Variants in DCDC2C observed in about 807,000 individuals in gnomAD.
DCDC2C encodes the protein doublecortin domain containing 2C.
Under a neutral mutation model 45.0 loss-of-function variants are expected in DCDC2C, and 44 were observed. That is an observed-to-expected ratio of 0.98 (90% CI 0.77 to 1.26). DCDC2C has a LOEUF of 1.26. Among genes scored for constraint, DCDC2C ranks in the 50% most tolerant of loss-of-function variants. The probability of loss-of-function intolerance (pLI) is 0.00; values close to 1 mark genes in which losing one functional copy is unlikely to be tolerated. For synonymous variants in DCDC2C, 187 were observed against 178.8 expected (o/e 1.05, Z -0.37); for missense variants, 447 against 468.9 (o/e 0.95, Z 0.43).
intron 1 of DCDC2C, among the ~76,000 whole-genome samples, chr2:3,707,278 T>G (rs918295684): frequency 2.6e-5 from 4 of 152,228 alleles, no homozygotes; most frequent in Non-Finnish European, 5.9e-5. Flanking sequence ...TTTTTATGCT[T>G]TTTTTCTGTG....
chr2:3,755,943 C>T (rs920997030), intron 6 of DCDC2C, among the ~76,000 whole-genome samples: 5 of 151,478 alleles, frequency 3.3e-5, no homozygotes, highest in African/African-American at 7.3e-5. Context: ...GATGGATACA[C>T]GTGTATAGAG....
At chr2:3,789,416 A>G (rs1008171144) in intron 10 of DCDC2C, among the ~76,000 whole-genome samples, 3 of 152,130 alleles carry the variant, frequency 2.0e-5, no homozygotes, top group Non-Finnish European at 4.4e-5. Flanking sequence ...ATTTATATTT[A>G]TGACTTGATC....
intron 10 of DCDC2C, among the ~76,000 whole-genome samples, chr2:3,817,572 C>T (rs1361183395): frequency 6.6e-6 from 1 of 152,130 alleles, no homozygotes; most frequent in East Asian, 1.9e-4. Flanking sequence ...TTTTGAGGGC[C>T]TCTGAAAGTA....
At chr2:3,831,642 G>A (rs546745050) in intron 10 of DCDC2C, among the ~76,000 whole-genome samples, 2 of 152,142 alleles carry the variant, frequency 1.3e-5, no homozygotes, top group Non-Finnish European at 2.9e-5. Flanking sequence ...ATGGAAAGAG[G>A]AGAAGCAAAA....
At position 3,767,560 on chromosome 2, in the gene DCDC2C, G is replaced by T. The variant is rs2148151228; in HGVS notation, c.727-194G>T. 2.0e-5 allele frequency among the ~76,000 whole-genome samples: 3 copies of T among 152,322 alleles called. 1 individual carries two copies. In the South Asian group the frequency reaches 6.2e-4, roughly 32 times the overall value. Reference sequence around the variant, plus strand: ...AGGGAGGGAGAGAATTATTTTTGCTGCTTTCCTGAGGGGAATGCAAGTAAT... The same window carrying T: ...AGGGAGGGAGAGAATTATTTTTGCTTCTTTCCTGAGGGGAATGCAAGTAAT... On this transcript the variant is annotated intron_variant, in intron 6 of 10. Transcript: ENST00000399143.
chr2:3,741,405 A>G (rs1417005760), intron 3 of DCDC2C, among the ~76,000 whole-genome samples: 1 of 152,204 alleles, frequency 6.6e-6, no homozygotes. Context: ...GTTATGTTCT[A>G]TTAATCTGGG....
intron 10 of DCDC2C, among the ~76,000 whole-genome samples, chr2:3,834,099 C>T (rs1672015915): frequency 6.6e-6 from 1 of 151,028 alleles, no homozygotes; most frequent in Admixed American, 6.6e-5. Flanking sequence ...CCTGCCCCCC[C>T]TACCTCCATC....
At chr2:3,744,593 G>T (rs779321168) in intron 4 of DCDC2C, among the ~76,000 whole-genome samples, 1 of 152,188 alleles carries the variant, frequency 6.6e-6, no homozygotes, top group Admixed American at 6.5e-5. Context: ...GTCCCCTGAT[G>T]GTAGACGCTG....
chr2:3,730,586 C>T (rs920006901), intron 3 of DCDC2C, among the ~76,000 whole-genome samples: 1 of 152,176 alleles, frequency 6.6e-6, no homozygotes, highest in Non-Finnish European at 1.5e-5. Context: ...CCCCCGCCCC[C>T]CGAGCTTCCA....
chr2:3,791,891 T>G (rs1670821348), intron 10 of DCDC2C, among the ~76,000 whole-genome samples: 1 of 152,244 alleles, frequency 6.6e-6, no homozygotes, highest in Non-Finnish European at 1.5e-5. Context: ...CAAACTTATT[T>G]TTGACCTTGA....
At chr2:3,705,875 G>A (rs1212960412) in intron 1 of DCDC2C, among the ~76,000 whole-genome samples, 2 of 152,204 alleles carry the variant, frequency 1.3e-5, no homozygotes, top group African/African-American at 4.8e-5. Flanking sequence ...CACTGCAGAG[G>A]GAGGGGAGTT....
chr2:3,805,125 C>T (rs563465216), intron 10 of DCDC2C, among the ~76,000 whole-genome samples: 2 of 152,202 alleles, frequency 1.3e-5, no homozygotes, highest in Admixed American at 6.5e-5. Flanking sequence ...ACAACTGACA[C>T]TTTTTACTCC....
intron 10 of DCDC2C, among the ~76,000 whole-genome samples, chr2:3,792,763 C>G (rs1178546177): frequency 6.6e-6 from 1 of 152,042 alleles, no homozygotes; most frequent in Non-Finnish European, 1.5e-5. Context: ...AAATTGACAG[C>G]CATATTTTGG....
In DCDC2C at chr2:3,769,430, A is replaced by T; in HGVS notation, c.954+19A>T. ...GGACCAGGTGGGTGTCCGGGGTCCG[A>T]TGTCCATGCCGTCTTCACTCCATTC... On this transcript the variant is annotated intron_variant, in intron 8 of 10. Coordinates refer to ENST00000399143, the MANE Select transcript of DCDC2C (RefSeq NM_001287444.2). 6.5e-7 allele frequency: 1 copy of T among 1,547,086 alleles called. No homozygotes were observed. Among genetic ancestry groups the T allele is most frequent in the South Asian group, 1.2e-5 (1 of 84,006 alleles).
Position 3,752,925 on chromosome 2 carries a change from T to C in DCDC2C, c.683+25T>C, listed in dbSNP as rs1039824673. 3.8e-5 allele frequency: 59 copies of C among 1,540,816 alleles called. No homozygotes were observed. In the East Asian group the frequency reaches 1.4e-3, roughly 38 times the overall value. The stretch of plus-strand genomic sequence containing the variant: ...AGTGAGCATGCTTCGTACCTTTCTT[T>C]CCTGAGTTTTGGAAAAAAATTAGCC... On this transcript the variant is annotated intron_variant, in intron 5 of 10. Transcript: ENST00000399143.
chr2:3,843,790 A>G (rs1221196814), intron 10 of DCDC2C, among the ~76,000 whole-genome samples: 2 of 152,208 alleles, frequency 1.3e-5, no homozygotes, highest in African/African-American at 4.8e-5. Flanking sequence ...TTAAATGACT[A>G]ATGGAATGTG....
chr2:3,825,268 T>C (rs993741763), intron 10 of DCDC2C, among the ~76,000 whole-genome samples: 7 of 152,228 alleles, frequency 4.6e-5, no homozygotes, highest in African/African-American at 1.7e-4. Flanking sequence ...GCACCAAAAC[T>C]CTTAGCAGAA....
At chr2:3,739,570 A>G (rs1669138749) in intron 3 of DCDC2C, among the ~76,000 whole-genome samples, 1 of 152,234 alleles carries the variant, frequency 6.6e-6, no homozygotes, top group Admixed American at 6.5e-5. Context: ...CGGCAGAACG[A>G]CACAGAGTTT....
chr2:3,763,779 G>T (rs1558215368), intron 6 of DCDC2C, among the ~76,000 whole-genome samples: 1 of 152,184 alleles, frequency 6.6e-6, no homozygotes, highest in Admixed American at 6.5e-5. Flanking sequence ...ACCAAGTGAG[G>T]CACTTGCGCT....
Sources: allele counts gnomAD v4.1 joint callset (sites outside exome capture counted in the v4.1 genomes callset), GRCh38; gene constraint gnomAD v4.1.1; transcripts MANE v1.5; gene names NCBI Gene and HGNC (gene_info 2026-07-23, HGNC 2026-07-21).